CIMIP1: variants seen among roughly 807,000 people sequenced by gnomAD.
CIMIP1 encodes low in lung cancer 1.
At chr20:58,151,009 C>A in the CIMIP1 span, 1 of 1,608,986 alleles carries the variant, frequency 6.2e-7, no homozygotes, top group South Asian at 1.1e-5. Context: ...AACGCATGAA[C>A]CTTGTGGGTC....
the CIMIP1 span, chr20:58,151,074 A>C: frequency 1.4e-5 from 22 of 1,539,666 alleles, no homozygotes; most frequent in South Asian, 7.1e-5. Context: ...TCCTGTTCTC[A>C]CCTGAAGTGT....
chr20:58,160,864 C>T, the CIMIP1 span: 1 of 1,579,772 alleles, frequency 6.3e-7, no homozygotes, highest in South Asian at 1.1e-5. Flanking sequence ...ATATCGGTCA[C>T]CAGGCACCCA....
At chr20:58,153,456 T>C in the CIMIP1 span, 1 of 988,800 alleles carries the variant, frequency 1.0e-6, no homozygotes, top group African/African-American at 1.6e-5. Flanking sequence ...CACTGCCCAG[T>C]CAATGTTCGT....
chr20:58,159,183 C>CTTTTTTTTTTTTTT, the CIMIP1 span, among the ~76,000 whole-genome samples: 2 of 104,084 alleles, frequency 1.9e-5, no homozygotes, highest in Non-Finnish European at 3.7e-5. Context: ...GCACTTTCTT[C>CTTTTTTTTTTTTTT]TTTTTTTTTT....
the CIMIP1 span, among the ~76,000 whole-genome samples, chr20:58,152,428 A>T: frequency 4.9e-4 from 21 of 42,556 alleles, no homozygotes; most frequent in Non-Finnish European, 9.1e-4. Context: ...TGATTTATTT[A>T]AAAAAAAAAA....
chr20:58,155,988 C>T, the CIMIP1 span, among the ~76,000 whole-genome samples: 2 of 152,148 alleles, frequency 1.3e-5, no homozygotes, highest in Non-Finnish European at 1.5e-5. Context: ...GTCTCCCCTG[C>T]CTGTCTTATA....
At chr20:58,156,245 T>C in the CIMIP1 span, among the ~76,000 whole-genome samples, 1 of 152,096 alleles carries the variant, frequency 6.6e-6, no homozygotes, top group Admixed American at 6.5e-5. Context: ...AACAGGCCGG[T>C]GGTGTGTCAC....
At chr20:58,156,075 G>A in the CIMIP1 span, among the ~76,000 whole-genome samples, 2 of 152,188 alleles carry the variant, frequency 1.3e-5, no homozygotes, top group African/African-American at 4.8e-5. Flanking sequence ...TTTAGAGAGT[G>A]CCGATGACAG....
the CIMIP1 span, chr20:58,150,994 G>A: frequency 1.9e-6 from 3 of 1,609,196 alleles, no homozygotes; most frequent in East Asian, 2.2e-5. Context: ...GCACCGCGGC[G>A]GCTGAACGCA....
At chr20:58,160,133 C>A in the CIMIP1 span, among the ~76,000 whole-genome samples, 1 of 152,198 alleles carries the variant, frequency 6.6e-6, no homozygotes, top group East Asian at 1.9e-4. Flanking sequence ...AAGGAGTTGA[C>A]AAATGAAGTT....
At chr20:58,155,535 T>C in the CIMIP1 span, 4 of 1,614,204 alleles carry the variant, frequency 2.5e-6, no homozygotes, top group South Asian at 3.3e-5. Context: ...CGTTTCCGCA[T>C]CCGGCCGGTG....
chr20:58,160,271 C>T, the CIMIP1 span, among the ~76,000 whole-genome samples: 6 of 152,154 alleles, frequency 3.9e-5, no homozygotes, highest in Non-Finnish European at 8.8e-5. Flanking sequence ...TTCGTAGAGG[C>T]TTCTCATCGA....
the CIMIP1 span, among the ~76,000 whole-genome samples, chr20:58,152,347 CCTAA>C: frequency 6.6e-6 from 1 of 151,912 alleles, no homozygotes; most frequent in Admixed American, 6.6e-5. Flanking sequence ...CCCTTGGCTA[CCTAA>C]CACTTAAATT....
chr20:58,157,950 G>A, the CIMIP1 span, among the ~76,000 whole-genome samples: 11 of 152,192 alleles, frequency 7.2e-5, no homozygotes, highest in South Asian at 2.1e-4. Context: ...CCAAGAATAC[G>A]GTGGCATGGG....
the CIMIP1 span, chr20:58,153,635 A>C: frequency 6.4e-7 from 1 of 1,566,356 alleles, no homozygotes; most frequent in African/African-American, 1.4e-5. Context: ...GGTAAATATA[A>C]ATTGTATGAG....
chr20:58,155,704 A>C, the CIMIP1 span: 4 of 703,498 alleles, frequency 5.7e-6, no homozygotes, highest in Non-Finnish European at 9.5e-6. Context: ...TGCCAGGTGC[A>C]GAGTCCAGGT....
At chr20:58,157,433 A>C in the CIMIP1 span, among the ~76,000 whole-genome samples, 1 of 152,230 alleles carries the variant, frequency 6.6e-6, no homozygotes. Context: ...ATGTTCATGT[A>C]TACGTATATA....
At chr20:58,161,044 T>C in the CIMIP1 span, 214 of 395,394 alleles carry the variant, frequency 5.4e-4, 1 homozygote, top group African/African-American at 4.1e-3. Flanking sequence ...GCTAATGTAA[T>C]GAATAAGGCT....
the CIMIP1 span, among the ~76,000 whole-genome samples, chr20:58,156,001 A>G: frequency 6.6e-6 from 1 of 152,156 alleles, no homozygotes; most frequent in South Asian, 2.1e-4. Context: ...GTCTTATACA[A>G]TGGGGGTTAA....
Sources: gnomAD v4.1 joint callset for allele counts (sites outside exome capture counted in the v4.1 genomes callset) on GRCh38, gnomAD v4.1.1 for gene constraint, MANE v1.5 for transcripts, NCBI Gene and HGNC (gene_info 2026-07-23, HGNC 2026-07-21) for gene names.